Variants in CHSY3 observed in about 807,000 individuals in gnomAD.
CHSY3 encodes chondroitin sulfate synthase 3.
Under a neutral mutation model 67.2 loss-of-function variants are expected in CHSY3, and 35 were observed. The observed-to-expected ratio is 0.52, with a 90% confidence interval of 0.40 to 0.69. The LOEUF (loss-of-function observed/expected upper bound fraction) is 0.69. Ranked by LOEUF, CHSY3 falls within the 30% of genes least tolerant of loss-of-function variation. The pLI, the probability that CHSY3 is intolerant of heterozygous loss-of-function variation, is 0.00. For synonymous variants in CHSY3, 474 were observed against 434.7 expected (o/e 1.09, Z -1.12); for missense variants, 1,069 against 1,138.5 (o/e 0.94, Z 0.88).
At chr5:130,058,769 T>C (rs923386754) in intron 2 of CHSY3, among the ~76,000 whole-genome samples, 3 of 152,242 alleles carry the variant, frequency 2.0e-5, no homozygotes, top group African/African-American at 7.2e-5. Context: ...TATGTTCTCT[T>C]ATTCTTCTGG....
intron 2 of CHSY3, among the ~76,000 whole-genome samples, chr5:130,122,903 T>C (rs1460530590): frequency 1.3e-5 from 2 of 152,186 alleles, no homozygotes; most frequent in African/African-American, 4.8e-5. Context: ...GTCTGTTTGC[T>C]CTCACTTCAG....
At chr5:130,039,138 T>G (rs1018980827) in intron 2 of CHSY3, among the ~76,000 whole-genome samples, 10 of 152,264 alleles carry the variant, frequency 6.6e-5, no homozygotes, top group Non-Finnish European at 1.2e-4. Context: ...GGGAGTTCAT[T>G]GTGTGGCAGA....
chr5:130,184,089 T>C, intron 2 of CHSY3, 140 bp from the exon 3 acceptor site: 1 of 662,898 alleles, frequency 1.5e-6, no homozygotes, highest in Non-Finnish European at 2.2e-6. Context: ...ATAATATAAA[T>C]ATTACAAACC....
chr5:130,144,144 A>C (rs1018878081), intron 2 of CHSY3, among the ~76,000 whole-genome samples: 1 of 151,610 alleles, frequency 6.6e-6, no homozygotes, highest in Admixed American at 6.6e-5. Context: ...AAAAAAAAAA[A>C]TTCACAAGTA....
chr5:130,091,840 T>G (rs1766890476), intron 2 of CHSY3, among the ~76,000 whole-genome samples: 1 of 152,198 alleles, frequency 6.6e-6, no homozygotes, highest in African/African-American at 2.4e-5. Flanking sequence ...AATTGTTATT[T>G]CTTGGTACCG....
At chr5:130,143,756 A>ATATATATATATATATATATATATGTG (rs1433405052) in intron 2 of CHSY3, among the ~76,000 whole-genome samples, 1 of 101,938 alleles carries the variant, frequency 9.8e-6, no homozygotes, top group African/African-American at 4.8e-5. Flanking sequence ...ATATATATAT[A>ATATATATATATATATATATATATGTG]TGTGTGTGTG....
chr5:130,025,579 C>G (rs1764518533), intron 2 of CHSY3, among the ~76,000 whole-genome samples: 1 of 152,012 alleles, frequency 6.6e-6, no homozygotes, highest in Admixed American at 6.6e-5. Flanking sequence ...TCTAAACAAC[C>G]AAAATTTATT....
intron 2 of CHSY3, among the ~76,000 whole-genome samples, chr5:130,055,172 CTGAG>C (rs925442008): frequency 6.6e-6 from 1 of 151,700 alleles, no homozygotes; most frequent in Admixed American, 6.6e-5. Flanking sequence ...TGAGGCAATT[CTGAG>C]TGTTTGTTTT....
intron 2 of CHSY3, among the ~76,000 whole-genome samples, chr5:129,967,359 T>C (rs189188776): frequency 4.5e-4 from 69 of 151,984 alleles, no homozygotes; most frequent in Non-Finnish European, 9.0e-4. Context: ...TGGAATACCA[T>C]TTTAGATATG....
intron 2 of CHSY3, among the ~76,000 whole-genome samples, chr5:129,929,238 C>T (rs536352687): frequency 2.0e-5 from 3 of 152,128 alleles, no homozygotes; most frequent in Non-Finnish European, 4.4e-5. Flanking sequence ...CTTTGTTGTT[C>T]TAGGAGAGAT....
chr5:129,970,443 T>TAGAC (rs1349494970), intron 2 of CHSY3, among the ~76,000 whole-genome samples: 1 of 128,866 alleles, frequency 7.8e-6, no homozygotes, highest in African/African-American at 2.9e-5. Flanking sequence ...GATAGATAGA[T>TAGAC]AGATAGACAG....
chr5:130,097,533 G>A (rs1767089420), intron 2 of CHSY3, among the ~76,000 whole-genome samples: 1 of 152,180 alleles, frequency 6.6e-6, no homozygotes, highest in Admixed American at 6.5e-5. Flanking sequence ...ACCTACTCCT[G>A]CCTATCTTTT....
intron 2 of CHSY3, among the ~76,000 whole-genome samples, chr5:129,938,883 T>C (rs770583919): frequency 6.6e-6 from 1 of 152,238 alleles, no homozygotes; most frequent in Non-Finnish European, 1.5e-5. Flanking sequence ...CCTCTGCCCA[T>C]GGCTCAGTTC....
chr5:130,036,780 T>A (rs1014700603), intron 2 of CHSY3, among the ~76,000 whole-genome samples: 1 of 152,156 alleles, frequency 6.6e-6, no homozygotes, highest in African/African-American at 2.4e-5. Flanking sequence ...TGAAACCAGC[T>A]CTGTGTGTGT....
chr5:130,020,446 TATA>T (rs1764344458), intron 2 of CHSY3, among the ~76,000 whole-genome samples: 1 of 31,894 alleles, frequency 3.1e-5, no homozygotes, highest in Non-Finnish European at 5.4e-5. Context: ...TATATATATA[TATA>T]TATATATATA....
At chr5:129,997,719 C>T (rs1257285757) in intron 2 of CHSY3, among the ~76,000 whole-genome samples, 1 of 152,104 alleles carries the variant, frequency 6.6e-6, no homozygotes, top group Non-Finnish European at 1.5e-5. Flanking sequence ...CAAGTGTTCT[C>T]ATTGTTCAAT....
chr5:129,962,361 A>G (rs1474456320), intron 2 of CHSY3, among the ~76,000 whole-genome samples: 1 of 151,810 alleles, frequency 6.6e-6, no homozygotes, highest in Non-Finnish European at 1.5e-5. Context: ...TGCCTCCTAA[A>G]TATCTCCTTT....
At position 129,904,658 on chromosome 5, in the gene CHSY3, G is replaced by T; in HGVS notation, c.-172G>T. Reference sequence around the variant, plus strand: ...GGAGCCCGGCAGGCAGCTGCAGCCCGCGGCAGTCGAGGCGTCCGCGGCGCT... The same window carrying T: ...GGAGCCCGGCAGGCAGCTGCAGCCCTCGGCAGTCGAGGCGTCCGCGGCGCT... On this transcript the variant is annotated 5_prime_UTR_variant, in exon 1 of 3. Transcript: ENST00000305031. 1 of 1,063,802 alleles carries T rather than the reference G, an allele frequency of 9.4e-7. No individual in the cohort carries two copies. The highest frequency in any genetic ancestry group is 1.2e-6 in the Non-Finnish European group (1 of 843,340). The allele number at this position is 1,063,802 out of a possible 1,614,324, so 65.9% of individuals were successfully genotyped here.
At chr5:130,012,550 GA>G (rs1764098017) in intron 2 of CHSY3, among the ~76,000 whole-genome samples, 2 of 152,132 alleles carry the variant, frequency 1.3e-5, no homozygotes, top group Admixed American at 1.3e-4. Context: ...AATCATGGTG[GA>G]AGGCACCTCT....
Sources: gnomAD v4.1 joint callset for allele counts (sites outside exome capture counted in the v4.1 genomes callset) on GRCh38, gnomAD v4.1.1 for gene constraint, MANE v1.5 for transcripts, NCBI Gene and HGNC (gene_info 2026-07-23, HGNC 2026-07-21) for gene names.